PRKCA: variants seen among roughly 807,000 people sequenced by gnomAD.
PRKCA encodes protein kinase C alpha.
PRKCA carries 27 observed loss-of-function variants against 87.0 expected under a neutral mutation model. The ratio of observed to expected loss-of-function variants is 0.31; its 90% confidence interval spans 0.23 to 0.43. PRKCA has a LOEUF of 0.43. Ranked by LOEUF, PRKCA falls within the 20% of genes least tolerant of loss-of-function variation. PRKCA has a pLI of 1.00. For missense variants in PRKCA, 518 were observed against 852.3 expected (o/e 0.61, Z 4.88); for synonymous variants, 329 against 311.1 (o/e 1.06, Z -0.61).
At chr17:66,747,762 T>C (rs1598914334) in intron 13 of PRKCA, among the ~76,000 whole-genome samples, 1 of 152,300 alleles carries the variant, frequency 6.6e-6, no homozygotes, top group Admixed American at 6.5e-5. Flanking sequence ...AGAGATGCAG[T>C]GAATGACGCA....
intron 3 of PRKCA, among the ~76,000 whole-genome samples, chr17:66,626,196 TC>T (rs1474511467): frequency 6.6e-6 from 1 of 150,386 alleles, no homozygotes; most frequent in African/African-American, 2.5e-5. Flanking sequence ...TTCCTCTTTT[TC>T]TTTTCTTTTT....
intron 2 of PRKCA, among the ~76,000 whole-genome samples, chr17:66,329,956 A>C (rs892904878): frequency 6.6e-6 from 1 of 152,120 alleles, no homozygotes; most frequent in Non-Finnish European, 1.5e-5. Context: ...AAACTGATAA[A>C]ATTGGGTTTT....
At chr17:66,568,292 C>T (rs973565914) in intron 3 of PRKCA, among the ~76,000 whole-genome samples, 5 of 152,156 alleles carry the variant, frequency 3.3e-5, no homozygotes, top group Admixed American at 6.5e-5. Context: ...CCAGCCTAGA[C>T]GACAGAATAA....
chr17:66,447,717 C>A (rs1567833903), intron 2 of PRKCA, among the ~76,000 whole-genome samples: 1 of 152,238 alleles, frequency 6.6e-6, no homozygotes, highest in Admixed American at 6.5e-5. Flanking sequence ...TGGTTTCCAA[C>A]AGCCTCCAGG....
At chr17:66,505,900 C>A (rs752181766) in intron 3 of PRKCA, among the ~76,000 whole-genome samples, 3 of 152,110 alleles carry the variant, frequency 2.0e-5, no homozygotes, top group Non-Finnish European at 2.9e-5. Context: ...TGCTATGTTG[C>A]CCAGGCTGGA....
chr17:66,549,016 G>A (rs944633098), intron 3 of PRKCA, among the ~76,000 whole-genome samples: 11 of 152,152 alleles, frequency 7.2e-5, no homozygotes, highest in Middle Eastern at 3.4e-3. Flanking sequence ...CATGTTGACA[G>A]GCTGGTTTCA....
chr17:66,641,610 G>A lies in PRKCA; in HGVS notation c.400+144G>A, dbSNP rs1971299138. ...CAGATATCTACCAGACTGACAAAGTGTAGATTCTTCCACTGTCAAAGTTCC... is the reference window on the plus strand; with the variant it reads ...CAGATATCTACCAGACTGACAAAGTATAGATTCTTCCACTGTCAAAGTTCC... On this transcript the variant is annotated intron_variant, in intron 4 of 16. Coordinates refer to ENST00000413366, the MANE Select transcript of PRKCA (RefSeq NM_002737.3). The A allele has an allele frequency of 8.5e-6, 4 of 472,658 alleles. No individual in the cohort carries two copies. The East Asian group carries it at 1.4e-4, about 16-fold the overall frequency. 29.3% of individuals were successfully genotyped at this position (472,658 alleles called of 1,614,324 possible).
At chr17:66,720,334 C>T (rs1973584565) in intron 8 of PRKCA, among the ~76,000 whole-genome samples, 2 of 152,196 alleles carry the variant, frequency 1.3e-5, no homozygotes, top group Admixed American at 1.3e-4. Flanking sequence ...GAACAGCGGA[C>T]ATTTTATTTA....
intron 5 of PRKCA, among the ~76,000 whole-genome samples, chr17:66,649,891 C>T (rs988332050): frequency 1.3e-5 from 2 of 152,016 alleles, no homozygotes; most frequent in Admixed American, 6.5e-5. Context: ...AGGGAAGGAC[C>T]CTGTGGAGAA....
At chr17:66,503,883 T>C (rs1430473712) in intron 3 of PRKCA, among the ~76,000 whole-genome samples, 2 of 152,218 alleles carry the variant, frequency 1.3e-5, no homozygotes, top group Non-Finnish European at 2.9e-5. Flanking sequence ...TAGAAAAAGA[T>C]GATTTTGTGA....
At chr17:66,313,794 C>T (rs1214910077) in intron 2 of PRKCA, among the ~76,000 whole-genome samples, 1 of 152,080 alleles carries the variant, frequency 6.6e-6, no homozygotes, top group Non-Finnish European at 1.5e-5. Flanking sequence ...TGCCTTAATA[C>T]AAATAATAAA....
At chr17:66,472,352 G>A (rs1915360089) in intron 2 of PRKCA, among the ~76,000 whole-genome samples, 1 of 152,118 alleles carries the variant, frequency 6.6e-6, no homozygotes, top group Admixed American at 6.5e-5. Flanking sequence ...CTATCGCTAG[G>A]AAAAGGAAGT....
chr17:66,674,277 G>T (rs1377513656), intron 5 of PRKCA, among the ~76,000 whole-genome samples: 3 of 152,176 alleles, frequency 2.0e-5, no homozygotes, highest in Non-Finnish European at 2.9e-5. Context: ...AAGGCTAAGG[G>T]CTGACAGCAC....
At chr17:66,710,090 A>C (rs1973286276) in intron 8 of PRKCA, among the ~76,000 whole-genome samples, 1 of 152,190 alleles carries the variant, frequency 6.6e-6, no homozygotes, top group Non-Finnish European at 1.5e-5. Context: ...CAGACATGGA[A>C]ATGCCACAAG....
intron 16 of PRKCA, among the ~76,000 whole-genome samples, chr17:66,799,076 G>GTGGTGA (rs1975794329): frequency 5.1e-4 from 2 of 3,936 alleles, no homozygotes; most frequent in Middle Eastern, 0.1. Flanking sequence ...GGTGGTGGTG[G>GTGGTGA]TGGTGGTGGT....
chr17:66,622,170 CAGAG>C (rs201042640), intron 3 of PRKCA, among the ~76,000 whole-genome samples: 1 of 152,130 alleles, frequency 6.6e-6, no homozygotes, highest in African/African-American at 2.4e-5. Flanking sequence ...GCCTGGGTGC[CAGAG>C]AGAGACCTTG....
intron 3 of PRKCA, among the ~76,000 whole-genome samples, chr17:66,581,702 C>T (rs1233745341): frequency 6.6e-6 from 1 of 152,112 alleles, no homozygotes; most frequent in African/African-American, 2.4e-5. Context: ...GTCTCAATCT[C>T]CTAACCTCGT....
chr17:66,384,751 C>T (rs1377052381), intron 2 of PRKCA, among the ~76,000 whole-genome samples: 1 of 152,228 alleles, frequency 6.6e-6, no homozygotes, highest in South Asian at 2.1e-4. Context: ...GCCTCAGCCT[C>T]CCAAGTAGCT....
At chr17:66,610,273 G>A (rs1330815072) in intron 3 of PRKCA, among the ~76,000 whole-genome samples, 3 of 152,172 alleles carry the variant, frequency 2.0e-5, no homozygotes, top group Non-Finnish European at 4.4e-5. Context: ...GGCAAGGGAT[G>A]TGAGGAGGGG....
Sources: allele counts gnomAD v4.1 joint callset (sites outside exome capture counted in the v4.1 genomes callset), GRCh38; gene constraint gnomAD v4.1.1; transcripts MANE v1.5; gene names NCBI Gene and HGNC (gene_info 2026-07-23, HGNC 2026-07-21).